The following ZNF546 variants were observed in gnomAD, a reference collection of about 807,000 sequenced individuals.
The protein encoded by ZNF546 is zinc finger protein 546.
In ZNF546, 60 loss-of-function variants were observed where a neutral mutation model predicts 76.2. The observed-to-expected ratio is 0.79, with a 90% confidence interval of 0.64 to 0.98. The LOEUF (loss-of-function observed/expected upper bound fraction) is 0.98, where lower values mean the gene tolerates loss of function less well. ZNF546 is among the 50% of genes least tolerant of loss of function. The probability of loss-of-function intolerance (pLI) is 0.00; values close to 1 mark genes in which losing one functional copy is unlikely to be tolerated. For synonymous variants in ZNF546, 277 were observed against 328.1 expected, an observed-to-expected ratio of 0.84 and a Z score of 1.68; for missense variants, 936 against 1,035.6, an observed-to-expected ratio of 0.90 and a Z score of 1.32.
chr19:40,015,405 A>G lies in ZNF546; in HGVS notation c.2135A>G (p.Gln712Arg). 1 of 1,614,232 alleles carries G rather than the reference A, an allele frequency of 6.2e-7. No individual in the cohort carries two copies. The highest frequency in any genetic ancestry group is 8.5e-7 in the Non-Finnish European group (1 of 1,180,036). The change falls in exon 7 of 7, where the codon CAA becomes CGA. Residue 712 changes from glutamine (Q) to arginine (R), a missense_variant. Coordinates refer to ENST00000347077, the MANE Select transcript of ZNF546 (RefSeq NM_178544.5). Reference sequence around the variant, plus strand: ...TGCAGTTATCGACTTACATTACATCAAAGAATTCACACTGGTGAGCTTCCA... The same window carrying G: ...TGCAGTTATCGACTTACATTACATCGAAGAATTCACACTGGTGAGCTTCCA... ...FICSYRLTLH[Q>R]RIHTGELPYE...
In ZNF546 at chr19:40,014,414, G is replaced by C; in HGVS notation, c.1144G>C (p.Val382Leu). 2 of 1,614,076 alleles carry C rather than the reference G, an allele frequency of 1.2e-6. No individual in the cohort carries two copies. The highest frequency in any genetic ancestry group is 1.7e-6 in the Non-Finnish European group (2 of 1,180,010). The change falls in exon 7 of 7, where the codon GTC becomes CTC. Residue 382 changes from valine to leucine, a missense_variant. By Grantham distance (32) the Val-to-Leu change is conservative. Coordinates refer to ENST00000347077, the MANE Select transcript of ZNF546 (RefSeq NM_178544.5). The stretch of plus-strand genomic sequence containing the variant: ...TCAACATCAGAAAATTCATACTGGT[G>C]TCAAACCCTATAAATGTAATGAATG... ...ISQHQKIHTGVKPYKCNECGK... is the reference protein window; with the variant it reads ...ISQHQKIHTGLKPYKCNECGK...
chr19:40,008,248 CT>C (rs34099594), intron 5 of ZNF546, among the ~76,000 whole-genome samples: 23,519 of 151,692 alleles, frequency 0.16, 4,410 homozygotes, highest in African/African-American at 0.45. Context: ...CAAAGCAGAC[CT>C]TTTCGCTCTC....
At chr19:39,999,937 A>G (rs1057355487) in intron 3 of ZNF546, 11 of 152,226 alleles carry the variant, frequency 7.2e-5, no homozygotes, top group African/African-American at 1.2e-4. Context: ...GTGTGCGCAC[A>G]GCACCTGCAC....
At position 40,019,451 on chromosome 19, in the gene ZNF546, CTT is replaced by C. The variant is rs750427373; in HGVS notation, c.*3671_*3672del. 2.6e-5 allele frequency: 4 copies of C among 152,198 alleles called. No homozygotes were observed. Among genetic ancestry groups the C allele is most frequent in the African/African-American group, 4.8e-5 (2 of 41,538 alleles). 9.4% of individuals were successfully genotyped at this position (152,198 alleles called of 1,614,324 possible). ...TTAATGAATTTGAAAATAAAATAGA[CTT>C]ATTAAGGCTTTGTGAAAAAATATTA... is the stretch of plus-strand genomic sequence containing the variant. On this transcript the variant is annotated 3_prime_UTR_variant, in exon 7 of 7. Coordinates refer to ENST00000347077, the MANE Select transcript of ZNF546 (RefSeq NM_178544.5).
chr19:40,011,559 T>G (rs1468372709), intron 6 of ZNF546, among the ~76,000 whole-genome samples: 1 of 152,176 alleles, frequency 6.6e-6, no homozygotes, highest in Non-Finnish European at 1.5e-5. Context: ...TTTTTACATT[T>G]GTATACCTAT....
Position 40,015,051 on chromosome 19 carries a change from A to G in ZNF546, c.1781A>G (p.Tyr594Cys), listed in dbSNP as rs141792034. The change falls in exon 7 of 7, where the codon TAT becomes TGT. Residue 594 changes from tyrosine to cysteine, a missense_variant. Physicochemically the swap from Tyr to Cys is radical, Grantham distance 194. Transcript: ENST00000347077. ...TGTGGGAAGATTTTTAGTCGTCGCT[A>G]TAATCTTACTCAACATTTTAAAATT... Reference protein sequence around the residue: ...KECGKIFSRRYNLTQHFKIHT... With the variant: ...KECGKIFSRRCNLTQHFKIHT... 8.1e-6 allele frequency: 13 copies of G among 1,614,002 alleles called. No individual in the cohort carries two copies. The African/African-American group carries it at 1.1e-4, about 13-fold the overall frequency.
intron 3 of ZNF546, among the ~76,000 whole-genome samples, chr19:40,003,212 T>C (rs1490329376): frequency 1.3e-5 from 2 of 151,822 alleles, no homozygotes; most frequent in African/African-American, 4.8e-5. Context: ...ATTTTTTTTG[T>C]ATTTTTAGTA....
intron 3 of ZNF546, among the ~76,000 whole-genome samples, chr19:40,003,050 T>G (rs1383056894): frequency 1.4e-5 from 2 of 148,108 alleles, no homozygotes; most frequent in African/African-American, 2.5e-5. Context: ...TTTTTTTTTT[T>G]TTTGAGACAG....
chr19:40,007,395 C>A lies in ZNF546; in HGVS notation c.293C>A (p.Ser98Ter). 1.3e-6 allele frequency: 2 copies of A among 1,592,794 alleles called. No individual in the cohort carries two copies. Among genetic ancestry groups the A allele is most frequent in the Non-Finnish European group, 1.7e-6 (2 of 1,169,834 alleles). ...VMLENYSNLV[S>*]LGYTIPKPDV... ...TTGGAGAACTACAGCAACCTGGTCT[C>A]ACTGGGTAAGGTATCTTTCGAAATC... The change falls in exon 5 of 7, where the codon TCA becomes TAA. Residue 98 changes from serine to a stop codon, truncating the protein, a stop_gained. Coordinates refer to ENST00000347077, the MANE Select transcript of ZNF546 (RefSeq NM_178544.5). LOFTEE classifies it high-confidence loss of function.
chr19:40,015,989 C>G lies in ZNF546; in HGVS notation c.*208C>G. 1 of 577,278 alleles carries G rather than the reference C, an allele frequency of 1.7e-6. No homozygotes were observed. The highest frequency in any genetic ancestry group is 3.1e-6 in the Non-Finnish European group (1 of 326,266). The allele number at this position is 577,278 out of a possible 1,614,324, so 35.8% of individuals were successfully genotyped here. A position where few individuals can be genotyped will look rare whatever the true frequency, so the allele number is the denominator to read the frequency against. ...AAGATTGATACTGATGCACTGCATCCCAAACCATCAAGGGCCTTTTCCCCT... is the reference window on the plus strand; with the variant it reads ...AAGATTGATACTGATGCACTGCATCGCAAACCATCAAGGGCCTTTTCCCCT... On this transcript the variant is annotated 3_prime_UTR_variant, in exon 7 of 7. Transcript: ENST00000347077.
chr19:40,009,265 A>G (rs1032833055), intron 6 of ZNF546, among the ~76,000 whole-genome samples: 1 of 152,246 alleles, frequency 6.6e-6, no homozygotes, highest in Non-Finnish European at 1.5e-5. Context: ...ATGAAGAACC[A>G]TCTGTGTTTA....
In ZNF546 at chr19:40,011,812, G is replaced by A. The variant is rs188749158; in HGVS notation, c.395-1853G>A. 1.7e-3 allele frequency among the ~76,000 whole-genome samples: 264 copies of A among 152,244 alleles called. 3 individuals carry two copies. Among genetic ancestry groups the A allele is most frequent in the African/African-American group, 6.1e-3 (252 of 41,540 alleles). Reference sequence around the variant, plus strand: ...TCTTGGCATTCCTTGGCTTGCAGACGCATCACTGCAGTCTCTGCCTCCATC... The same window carrying A: ...TCTTGGCATTCCTTGGCTTGCAGACACATCACTGCAGTCTCTGCCTCCATC... On this transcript the variant is annotated intron_variant, in intron 6 of 6. Transcript: ENST00000347077.
Position 40,014,341 on chromosome 19 carries a change from T to C in ZNF546, c.1071T>C (p.Tyr357=). 2 of 1,613,912 alleles carry C rather than the reference T, an allele frequency of 1.2e-6. No individual in the cohort carries two copies. The highest frequency in any genetic ancestry group is 1.1e-5 in the South Asian group (1 of 91,068). The part of the protein sequence containing the change: ...HQRIHTGERP[Y]ECKVCGKTFR... ...GAATTCATACTGGTGAGAGGCCTTA[T>C]GAATGTAAGGTTTGTGGCAAGACCT... The change falls in exon 7 of 7, where the codon TAT becomes TAC. Residue 357 remains tyrosine, a synonymous_variant. Transcript: ENST00000347077.
chr19:40,010,511 A>C (rs1971658329), intron 6 of ZNF546, among the ~76,000 whole-genome samples: 1 of 152,070 alleles, frequency 6.6e-6, no homozygotes, highest in Non-Finnish European at 1.5e-5. Context: ...TGGTATGGTC[A>C]GTCTTTTAAA....
In ZNF546 at chr19:39,998,350, C is replaced by A; in HGVS notation, c.24C>A (p.His8Gln). 1.2e-6 allele frequency: 2 copies of A among 1,614,138 alleles called. No homozygotes were observed. The highest frequency in any genetic ancestry group is 1.7e-6 in the Non-Finnish European group (2 of 1,179,988). The change falls in exon 3 of 7, where the codon CAC (histidine) becomes CAA (glutamine). Residue 8 changes from histidine to glutamine, a missense_variant. Coordinates refer to ENST00000347077, the MANE Select transcript of ZNF546 (RefSeq NM_178544.5). MQVDPPL[H>Q]GPPNDFLIFQ... ...CCATGCAGGTGGACCCTCCTCTTCA[C>A]GGGCCTCCAAATGACTTTCTCATTT...
chr19:40,014,765 T>C lies in ZNF546; in HGVS notation c.1495T>C (p.Cys499Arg), dbSNP rs1403477252. ...TCACACCGGTGAGATTCCCTATGAA[T>C]GTAAGGAATGTGGAAAAACCTTCAG... ...RTHTGEIPYE[C>R]KECGKTFSSR... The change falls in exon 7 of 7, where the codon TGT becomes CGT. Residue 499 changes from cysteine (C) to arginine (R), a missense_variant. Cys to Arg is a radical substitution (Grantham distance 180). Transcript: ENST00000347077. The C allele has an allele frequency of 1.2e-6, 2 of 1,613,802 alleles. No individual in the cohort carries two copies. Among genetic ancestry groups the C allele is most frequent in the African/African-American group, 1.3e-5 (1 of 74,988 alleles).
chr19:40,015,077 C>A lies in ZNF546; in HGVS notation c.1807C>A (p.His603Asn). 6.2e-7 allele frequency: 1 copy of A among 1,613,992 alleles called. No homozygotes were observed. The highest frequency in any genetic ancestry group is 1.1e-5 in the South Asian group (1 of 91,068). The change falls in exon 7 of 7, where the codon CAT becomes AAT. Residue 603 changes from histidine (H) to asparagine (N), a missense_variant. Coordinates refer to ENST00000347077, the MANE Select transcript of ZNF546 (RefSeq NM_178544.5). ...TAATCTTACTCAACATTTTAAAATT[C>A]ATACTGGTGAAAAACCCTACATATG... ...RYNLTQHFKI[H>N]TGEKPYICNE...
Position 40,014,935 on chromosome 19 carries a change from T to G in ZNF546, c.1665T>G (p.Cys555Trp). 6.2e-7 allele frequency: 1 copy of G among 1,614,108 alleles called. No individual in the cohort carries two copies. Among genetic ancestry groups the G allele is most frequent in the Non-Finnish European group, 8.5e-7 (1 of 1,180,006 alleles). The change falls in exon 7 of 7, where the codon TGT (cysteine) becomes TGG (tryptophan). Residue 555 changes from cysteine (C) to tryptophan (W), a missense_variant. Physicochemically the swap from Cys to Trp is radical, Grantham distance 215 (BLOSUM62 -2). Coordinates refer to ENST00000347077, the MANE Select transcript of ZNF546 (RefSeq NM_178544.5). ...RIHTCEKPYE[C>W]KECGKAFIHS... ...ATACATGTGAGAAACCCTATGAATG[T>G]AAGGAATGTGGGAAGGCTTTTATTC...
chr19:40,015,154 C>T lies in ZNF546; in HGVS notation c.1884C>T (p.His628=). 2 of 1,613,588 alleles carry T rather than the reference C, an allele frequency of 1.2e-6. No individual in the cohort carries two copies. The highest frequency in any genetic ancestry group is 1.7e-6 in the Non-Finnish European group (2 of 1,179,860). The stretch of plus-strand genomic sequence containing the variant: ...TTCAAACAGAACTTACTCAGCATCA[C>T]AGAATTCATACTGGTGAAAAACCCT... ...FRFQTELTQH[H]RIHTGEKPYK... is the part of the protein sequence containing the mutation. The change falls in exon 7 of 7, where the codon CAC becomes CAT. Residue 628 remains histidine, a synonymous_variant. Transcript: ENST00000347077.
Sources: gnomAD v4.1 joint callset for allele counts (sites outside exome capture counted in the v4.1 genomes callset) on GRCh38, gnomAD v4.1.1 for gene constraint, MANE v1.5 for transcripts, NCBI Gene and HGNC (gene_info 2026-07-23, HGNC 2026-07-21) for gene names.